Variants in WHRN observed in about 807,000 individuals in gnomAD.
WHRN encodes whirlin.
In WHRN, 41 loss-of-function variants were observed where a neutral mutation model predicts 68.3. The observed-to-expected ratio is 0.60, with a 90% CI of 0.47 to 0.78. The LOEUF (loss-of-function observed/expected upper bound fraction) is 0.78. Among genes scored for constraint, WHRN ranks in the 30% least tolerant of loss-of-function variants. The pLI, the probability that WHRN is intolerant of heterozygous loss-of-function variation, is 0.00. For missense variants in WHRN, 1,243 were observed against 1,244.7 expected, an observed-to-expected ratio of 1.00 and a Z score of 0.02; for synonymous variants, 560 against 561.3, an observed-to-expected ratio of 1.00 and a Z score of 0.03.
chr9:114,431,222 C>T (rs1274155614), intron 3 of WHRN, among the ~76,000 whole-genome samples: 1 of 152,162 alleles, frequency 6.6e-6, no homozygotes, highest in East Asian at 1.9e-4. Flanking sequence ...CAAGTACAAC[C>T]TGAGTCTCAG....
At position 114,452,483 on chromosome 9, in the gene WHRN, G is replaced by C. The variant is rs149440390; in HGVS notation, c.963+13784C>G. Among the ~76,000 whole-genome samples the C allele has an allele frequency of 4.3e-3, 657 of 152,320 alleles. 2 individuals are homozygous for C. Among genetic ancestry groups the C allele is most frequent in the African/African-American group, 0.015 (616 of 41,586 alleles). On this transcript the variant is annotated intron_variant, in intron 3 of 11. Transcript: ENST00000362057. ...TTCTTGTCTTGAAGAAGTGACTGTG[G>C]AGAAGGCAGGCCCTGAGCCAGGTGT...
At chr9:114,453,129 C>T (rs902396201) in intron 3 of WHRN, among the ~76,000 whole-genome samples, 13 of 152,208 alleles carry the variant, frequency 8.5e-5, no homozygotes, top group African/African-American at 3.1e-4. Context: ...CATGGTCCTG[C>T]AGGCTGTACA....
At chr9:114,502,387 G>C (rs1379310883) in intron 1 of WHRN, among the ~76,000 whole-genome samples, 1 of 152,178 alleles carries the variant, frequency 6.6e-6, no homozygotes, top group Non-Finnish European at 1.5e-5. Flanking sequence ...ATGACATGGA[G>C]AGTTTAGGTT....
chr9:114,449,489 C>T (rs1007799837), intron 3 of WHRN, among the ~76,000 whole-genome samples: 2 of 152,210 alleles, frequency 1.3e-5, no homozygotes, highest in African/African-American at 4.8e-5. Flanking sequence ...TGCCTTGGCG[C>T]AATTACCACC....
intron 3 of WHRN, among the ~76,000 whole-genome samples, chr9:114,461,333 C>T (rs1434226638): frequency 1.3e-5 from 2 of 152,148 alleles, no homozygotes; most frequent in African/African-American, 2.4e-5. Flanking sequence ...GGTGTGTGTC[C>T]GGCATAGATG....
At chr9:114,499,661 T>G (rs968249978) in intron 1 of WHRN, among the ~76,000 whole-genome samples, 2 of 152,234 alleles carry the variant, frequency 1.3e-5, no homozygotes, top group Non-Finnish European at 2.9e-5. Context: ...GATTCAAGCT[T>G]GAGCAGTCAG....
At chr9:114,421,509 C>T (rs1189058642) in intron 7 of WHRN, among the ~76,000 whole-genome samples, 2 of 152,244 alleles carry the variant, frequency 1.3e-5, no homozygotes, top group Non-Finnish European at 2.9e-5. Flanking sequence ...CCTAGACCTC[C>T]TGCCTCCCAG....
intron 1 of WHRN, among the ~76,000 whole-genome samples, chr9:114,495,675 G>A (rs1202474395): frequency 6.6e-6 from 1 of 152,220 alleles, no homozygotes; most frequent in Non-Finnish European, 1.5e-5. Context: ...CATGTATATG[G>A]ACCTGAGAAG....
At chr9:114,465,782 C>T (rs1840630923) in intron 3 of WHRN, among the ~76,000 whole-genome samples, 1 of 152,132 alleles carries the variant, frequency 6.6e-6, no homozygotes, top group African/African-American at 2.4e-5. Context: ...GTAGTAATAC[C>T]CTACCCCTCA....
chr9:114,468,050 G>A (rs569828337), intron 2 of WHRN, among the ~76,000 whole-genome samples: 3 of 152,328 alleles, frequency 2.0e-5, no homozygotes, highest in Admixed American at 6.5e-5. Context: ...GGGCAGAGGT[G>A]GTGAACAAGA....
chr9:114,503,106 C>A (rs1011753389), intron 1 of WHRN: 2 of 985,032 alleles, frequency 2.0e-6, no homozygotes, highest in Non-Finnish European at 2.4e-6. Context: ...TCAAGACTCA[C>A]CTGGACACAG....
chr9:114,405,969 T>C (rs1460332024), intron 9 of WHRN, among the ~76,000 whole-genome samples: 1 of 152,156 alleles, frequency 6.6e-6, no homozygotes, highest in African/African-American at 2.4e-5. Flanking sequence ...GTTTCCAGCA[T>C]CTACTCCAGG....
Position 114,406,661 on chromosome 9 carries a change from C to T in WHRN, c.1930G>A (p.Asp644Asn), listed in dbSNP as rs201707482. Reference sequence around the variant, plus strand: ...GCATAGATGGGGGAAGAGGGCAAGTCCTGTGCAGAGGAGGTCCCTGGGGTG... The same window carrying T: ...GCATAGATGGGGGAAGAGGGCAAGTTCTGTGCAGAGGAGGTCCCTGGGGTG... The part of the protein sequence containing the change: ...APTPGTSSAQ[D>N]LPSSPIYASV... The change falls in exon 9 of 12, where the codon GAC becomes AAC. Residue 644 changes from aspartate to asparagine, a missense_variant. By Grantham distance (23) the Asp-to-Asn change is conservative. Transcript: ENST00000362057. 63 of 1,613,716 alleles carry T rather than the reference C, an allele frequency of 3.9e-5. No homozygotes were observed. Among genetic ancestry groups the T allele is most frequent in the Admixed American group, 8.3e-5 (5 of 59,996 alleles).
At chr9:114,457,490 T>A (rs1478631863) in intron 3 of WHRN, among the ~76,000 whole-genome samples, 1 of 152,080 alleles carries the variant, frequency 6.6e-6, no homozygotes, top group Admixed American at 6.6e-5. Context: ...CAATTCTTCC[T>A]TAAGGAAGAA....
intron 1 of WHRN, among the ~76,000 whole-genome samples, chr9:114,492,333 T>C (rs766729688): frequency 2.0e-5 from 3 of 152,162 alleles, no homozygotes; most frequent in Non-Finnish European, 2.9e-5. Flanking sequence ...TGTGCAGGGA[T>C]GTCTAAAGCA....
rs574097325 is a variant in WHRN, at chr9:114,439,916, A to ATATT, written c.964-13507_964-13504dup. On this transcript the variant is annotated intron_variant, in intron 3 of 11. Transcript: ENST00000362057. Reference sequence around the variant, plus strand: ...ATCATAAAACATACACAAATCTATTATATTTATTTATTTATTGAGACGGAG... The same window carrying ATATT: ...ATCATAAAACATACACAAATCTATTATATTTATTTATTTATTTATTGAGACGGAG... Among the ~76,000 whole-genome samples, 19 of 152,294 alleles carry ATATT rather than the reference A, an allele frequency of 1.2e-4. No homozygotes were observed. The South Asian group carries it at 2.5e-3, about 20-fold the overall frequency.
chr9:114,465,349 GCA>G (rs1190020705), intron 3 of WHRN, among the ~76,000 whole-genome samples: 2 of 152,300 alleles, frequency 1.3e-5, no homozygotes. Flanking sequence ...CCCTGGCTTT[GCA>G]CACAGACTAG....
At chr9:114,454,683 C>CTA (rs1554726556) in intron 3 of WHRN, among the ~76,000 whole-genome samples, 2 of 126,272 alleles carry the variant, frequency 1.6e-5, no homozygotes, top group African/African-American at 7.1e-5. Context: ...TCCCAGGAAG[C>CTA]TATATTTTTT....
chr9:114,438,354 T>C lies in WHRN; in HGVS notation c.964-11941A>G, dbSNP rs951610671. Among the ~76,000 whole-genome samples, 12 of 151,976 alleles carry C rather than the reference T, an allele frequency of 7.9e-5. No individual in the cohort carries two copies. In the East Asian group the frequency reaches 2.1e-3, roughly 27 times the overall value. ...AGATTGAGAAAAAAATTTAAAACTT[T>C]ACAGTGACCGTCAGCTATGGAGAAA... On this transcript the variant is annotated intron_variant, in intron 3 of 11. Coordinates refer to ENST00000362057, the MANE Select transcript of WHRN (RefSeq NM_015404.4).
Sources: gnomAD v4.1 joint callset for allele counts (sites outside exome capture counted in the v4.1 genomes callset) on GRCh38, gnomAD v4.1.1 for gene constraint, MANE v1.5 for transcripts, NCBI Gene and HGNC (gene_info 2026-07-23, HGNC 2026-07-21) for gene names.